MDGA2: variants seen among roughly 807,000 people sequenced by gnomAD.
MDGA2 encodes MAM domain-containing glycosylphosphatidylinositol anchor protein 2.
In MDGA2, 40 loss-of-function variants were observed where a neutral mutation model predicts 117.8. That is an observed-to-expected ratio of 0.34 (90% CI 0.26 to 0.44). The LOEUF (loss-of-function observed/expected upper bound fraction) is 0.44, where lower values mean the gene tolerates loss of function less well. MDGA2 is among the 20% of genes least tolerant of loss of function. The pLI, the probability that MDGA2 is intolerant of heterozygous loss-of-function variation, is 1.00. For synonymous variants in MDGA2, 452 were observed against 439.0 expected (o/e 1.03, Z -0.37); for missense variants, 1,123 against 1,250.6 (o/e 0.90, Z 1.54).
In MDGA2 at chr14:47,655,228, C is replaced by G. The variant is rs1195371390; in HGVS notation, c.280+19289G>C. 2.0e-5 allele frequency among the ~76,000 whole-genome samples: 3 copies of G among 152,134 alleles called. 1 individual carries two copies. Among genetic ancestry groups the G allele is most frequent in the African/African-American group, 4.8e-5 (2 of 41,432 alleles). ...AGTATCTTTGCTACAGCAGATTAAT[C>G]CAACTTTAGTTCATGGTACCTGGCA... is the stretch of plus-strand genomic sequence containing the variant. On this transcript the variant is annotated intron_variant, in intron 1 of 16. Coordinates refer to ENST00000399232, the MANE Select transcript of MDGA2 (RefSeq NM_001113498.3).
chr14:47,247,632 T>TTTTTTATTA (rs33990961), intron 2 of MDGA2, among the ~76,000 whole-genome samples: 4,917 of 146,114 alleles, frequency 0.034, 219 homozygotes, highest in Middle Eastern at 0.057. Flanking sequence ...TCAGTACATA[T>TTTTTTATTA]TTATTATTAT....
chr14:47,575,678 T>C (rs1896102973), intron 1 of MDGA2, among the ~76,000 whole-genome samples: 1 of 152,178 alleles, frequency 6.6e-6, no homozygotes, highest in Non-Finnish European at 1.5e-5. Context: ...AACATGTGTG[T>C]GAGCCACCCT....
intron 1 of MDGA2, among the ~76,000 whole-genome samples, chr14:47,498,565 T>C (rs1818137850): frequency 6.6e-6 from 1 of 152,138 alleles, no homozygotes; most frequent in African/African-American, 2.4e-5. Flanking sequence ...AATCATACTT[T>C]TGAGTGAACA....
rs948558450 is a variant in MDGA2 at position 46,873,774 on chromosome 14, T to A, written c.2594-183A>T. 35 of 567,308 alleles carry A rather than the reference T, an allele frequency of 6.2e-5. No homozygotes were observed. The East Asian group carries it at 1.1e-3, about 18-fold the overall frequency. 35.1% of individuals were successfully genotyped at this position (567,308 alleles called of 1,614,324 possible). ...TGGCTGTAACACAAAGAATAAATGA[T>A]CTACCAAATTAAAGATAAAATGTAT... is the stretch of plus-strand genomic sequence containing the variant. On this transcript the variant is annotated intron_variant, in intron 13 of 16. Transcript: ENST00000399232.
intron 1 of MDGA2, among the ~76,000 whole-genome samples, chr14:47,573,998 G>A (rs947043591): frequency 5.9e-5 from 9 of 151,846 alleles, no homozygotes; most frequent in African/African-American, 1.9e-4. Context: ...GTCTTTATTC[G>A]CTATTCTCTT....
intron 8 of MDGA2, among the ~76,000 whole-genome samples, chr14:47,006,054 A>T (rs35476909): frequency 0.11 from 16,194 of 151,674 alleles, 1,109 homozygotes; most frequent in Middle Eastern, 0.18. Context: ...GGTCATCAGT[A>T]AACATGGTTG....
intron 2 of MDGA2, among the ~76,000 whole-genome samples, chr14:47,287,570 G>A (rs1199824341): frequency 1.3e-5 from 2 of 152,018 alleles, no homozygotes; most frequent in Non-Finnish European, 2.9e-5. Context: ...CAATTTTCAA[G>A]TATACAACAT....
intron 1 of MDGA2, among the ~76,000 whole-genome samples, chr14:47,613,479 T>TTTCTCACACA (rs1555336469): frequency 4.3e-5 from 6 of 141,088 alleles, no homozygotes; most frequent in African/African-American, 1.4e-4. Context: ...TCTCTCTCTC[T>TTTCTCACACA]CACACACACA....
chr14:47,353,616 C>T lies in MDGA2; in HGVS notation c.281-52066G>A, dbSNP rs558568138. On this transcript the variant is annotated intron_variant, in intron 1 of 16. Transcript: ENST00000399232. ...TGCCTGGTGTACTTATAAGAAGAAA[C>T]AGAAAGCCTGAGTAGACCAATAACA... 3.9e-5 allele frequency among the ~76,000 whole-genome samples: 6 copies of T among 152,236 alleles called. No individual in the cohort carries two copies. The South Asian group carries it at 8.3e-4, about 21-fold the overall frequency.
intron 3 of MDGA2, among the ~76,000 whole-genome samples, chr14:47,189,797 T>G (rs1392458438): frequency 1.3e-5 from 2 of 152,188 alleles, no homozygotes; most frequent in Non-Finnish European, 2.9e-5. Context: ...AGGTATTTAA[T>G]CACTTTGTCA....
At chr14:47,300,105 T>C (rs1889225238) in intron 2 of MDGA2, among the ~76,000 whole-genome samples, 1 of 152,198 alleles carries the variant, frequency 6.6e-6, no homozygotes, top group Non-Finnish European at 1.5e-5. Flanking sequence ...AAAAGATACT[T>C]AAGGATCCGT....
At chr14:47,131,105 TA>T (rs935530718) in intron 5 of MDGA2, among the ~76,000 whole-genome samples, 2 of 152,004 alleles carry the variant, frequency 1.3e-5, no homozygotes, top group African/African-American at 4.8e-5. Flanking sequence ...AGTAATTCTT[TA>T]TGCACATTCA....
Position 46,840,676 on chromosome 14 carries a change from A to G in MDGA2, c.*1255T>C, listed in dbSNP as rs12879453. The stretch of plus-strand genomic sequence containing the variant: ...CCACTGTAGAGTTAGTATGCACTGC[A>G]ATCCCAAACATTTTCTTGTTCCCTC... On this transcript the variant is annotated 3_prime_UTR_variant, in exon 17 of 17. Coordinates refer to ENST00000399232, the MANE Select transcript of MDGA2 (RefSeq NM_001113498.3). 57,945 of 152,466 alleles carry G rather than the reference A, an allele frequency of 0.38. 12,829 individuals are homozygous for G. Among genetic ancestry groups the G allele is most frequent in the Non-Finnish European group, 0.49 (33,256 of 67,928 alleles). The allele number at this position is 152,466 out of a possible 1,614,324, so 9.4% of individuals were successfully genotyped here. A position where few individuals can be genotyped will look rare whatever the true frequency, so the allele number is the denominator to read the frequency against.
In MDGA2 at chr14:47,658,319, C is replaced by T. The variant is rs114655389; in HGVS notation, c.280+16198G>A. Among the ~76,000 whole-genome samples, 181 of 152,114 alleles carry T rather than the reference C, an allele frequency of 1.2e-3. 2 individuals are homozygous for T. The highest frequency in any genetic ancestry group is 4.1e-3 in the African/African-American group (170 of 41,518). On this transcript the variant is annotated intron_variant, in intron 1 of 16. Transcript: ENST00000399232. ...CTCTTACCTAGTTCTGGTAGGAAAC[C>T]GATAAATCCATCAGCTGTGACCTGA... is the stretch of plus-strand genomic sequence containing the variant.
intron 1 of MDGA2, among the ~76,000 whole-genome samples, chr14:47,483,112 T>A (rs1201750698): frequency 3.9e-5 from 6 of 152,106 alleles, no homozygotes; most frequent in Non-Finnish European, 8.8e-5. Flanking sequence ...TCATTTATAT[T>A]TTTTTAGATC....
intron 1 of MDGA2, among the ~76,000 whole-genome samples, chr14:47,635,487 GA>G (rs150082165): frequency 6.6e-6 from 1 of 151,992 alleles, no homozygotes; most frequent in Non-Finnish European, 1.5e-5. Context: ...ATAATTGTGC[GA>G]AAAAAAGTTG....
chr14:47,414,684 T>C (rs1441049877), intron 1 of MDGA2, among the ~76,000 whole-genome samples: 1 of 152,134 alleles, frequency 6.6e-6, no homozygotes, highest in East Asian at 1.9e-4. Flanking sequence ...TCTTTGAAGT[T>C]ACTTTCCTTG....
chr14:47,576,364 A>G (rs939953387), intron 1 of MDGA2, among the ~76,000 whole-genome samples: 2 of 152,186 alleles, frequency 1.3e-5, no homozygotes, highest in African/African-American at 2.4e-5. Context: ...TATGATTTTA[A>G]AAACAACTAA....
rs376106981 is a variant in MDGA2 at position 46,994,821 on chromosome 14, C to T, written c.1820-37178G>A. Among the ~76,000 whole-genome samples the T allele has an allele frequency of 1.2e-4, 19 of 152,102 alleles. No homozygotes were observed. In the East Asian group the frequency reaches 3.1e-3, roughly 25 times the overall value. The stretch of plus-strand genomic sequence containing the variant: ...GTTTGTCTTGATGAAAAGGTAATAA[C>T]ATAGGGTAGTGGAAATGCAATTAAA... On this transcript the variant is annotated intron_variant, in intron 8 of 16. Coordinates refer to ENST00000399232, the MANE Select transcript of MDGA2 (RefSeq NM_001113498.3).
Sources: gnomAD v4.1 joint callset for allele counts (sites outside exome capture counted in the v4.1 genomes callset) on GRCh38, gnomAD v4.1.1 for gene constraint, MANE v1.5 for transcripts, NCBI Gene and HGNC (gene_info 2026-07-23, HGNC 2026-07-21) for gene names.